Variants in GALM observed in about 807,000 individuals in gnomAD.
The protein encoded by GALM is galactose mutarotase, also known as aldose 1-epimerase.
GALM carries 43 observed loss-of-function variants against 37.4 expected under a neutral mutation model. The observed-to-expected ratio is 1.15, with a 90% confidence interval of 0.90 to 1.48. The LOEUF is 1.48. Ranked by LOEUF, GALM falls within the 40% of genes most tolerant of loss-of-function variation. The pLI is 0.00. For missense variants in GALM, 456 were observed against 419.1 expected (o/e 1.09, Z -0.77); for synonymous variants, 199 against 170.6 (o/e 1.17, Z -1.30).
chr2:38,727,211 G>T (rs1440824793), intron 4 of GALM, among the ~76,000 whole-genome samples: 1 of 136,544 alleles, frequency 7.3e-6, no homozygotes, highest in African/African-American at 2.9e-5. Context: ...GTGAGACTCC[G>T]TCTCAAGAAA....
At chr2:38,684,926 C>T (rs922566832) in intron 3 of GALM, among the ~76,000 whole-genome samples, 5 of 152,180 alleles carry the variant, frequency 3.3e-5, no homozygotes, top group African/African-American at 9.6e-5. Context: ...GACAGGTAGA[C>T]ATGTCATTAA....
At chr2:38,711,418 C>G (rs1666155016) in intron 4 of GALM, among the ~76,000 whole-genome samples, 1 of 152,120 alleles carries the variant, frequency 6.6e-6, no homozygotes, top group Non-Finnish European at 1.5e-5. Context: ...ACCTCGGCTT[C>G]CCAAATTGCC....
intron 4 of GALM, among the ~76,000 whole-genome samples, chr2:38,694,128 G>C (rs1455893080): frequency 6.6e-6 from 1 of 152,146 alleles, no homozygotes; most frequent in Non-Finnish European, 1.5e-5. Flanking sequence ...GCTGCAGTGA[G>C]CTGTGATTGT....
At chr2:38,678,413 G>A (rs1490921609) in intron 2 of GALM, among the ~76,000 whole-genome samples, 2 of 152,014 alleles carry the variant, frequency 1.3e-5, no homozygotes, top group Admixed American at 6.6e-5. Context: ...ACAGGCTCAG[G>A]GAAATCCTTC....
intron 4 of GALM, among the ~76,000 whole-genome samples, chr2:38,695,967 G>T (rs952803520): frequency 5.9e-5 from 9 of 152,172 alleles, no homozygotes; most frequent in South Asian, 2.1e-4. Context: ...CCGAAGTGCT[G>T]GGATTACAGG....
At chr2:38,729,429 G>C in intron 4 of GALM, 127 bp from the exon 5 acceptor site, 4 of 582,810 alleles carry the variant, frequency 6.9e-6, no homozygotes, top group Non-Finnish European at 1.1e-5. Context: ...CCAGGATCTG[G>C]GCTCCCATCT....
At chr2:38,715,156 G>A (rs1166709811) in intron 4 of GALM, among the ~76,000 whole-genome samples, 2 of 152,130 alleles carry the variant, frequency 1.3e-5, no homozygotes, top group African/African-American at 4.8e-5. Flanking sequence ...TAAAGTCTAT[G>A]CTGTGTGATG....
Position 38,724,795 on chromosome 2 carries a change from G to C in GALM, c.635-4761G>C, listed in dbSNP as rs115014586. 8.3e-3 allele frequency among the ~76,000 whole-genome samples: 1,261 copies of C among 152,276 alleles called. 12 individuals carry two copies. Among genetic ancestry groups the C allele is most frequent in the African/African-American group, 0.028 (1,167 of 41,532 alleles). ...CTGTTATATATATTTATTTATGCCAGACTCCTGAAGGTGTTCAAGCATACC... is the reference window on the plus strand; with the variant it reads ...CTGTTATATATATTTATTTATGCCACACTCCTGAAGGTGTTCAAGCATACC... On this transcript the variant is annotated intron_variant, in intron 4 of 6. Transcript: ENST00000272252.
chr2:38,688,964 G>A (rs1239072544), intron 3 of GALM, among the ~76,000 whole-genome samples: 13 of 152,180 alleles, frequency 8.5e-5, no homozygotes, highest in Non-Finnish European at 1.5e-5. Flanking sequence ...GAGATTACAG[G>A]CATGTGCCAC....
chr2:38,694,068 G>C (rs79572412), intron 4 of GALM, among the ~76,000 whole-genome samples: 1,584 of 152,156 alleles, frequency 0.01, 12 homozygotes, highest in Middle Eastern at 0.024. Context: ...TGTGGTCCCA[G>C]CTATTTGGGA....
chr2:38,707,078 T>C (rs931037458), intron 4 of GALM, among the ~76,000 whole-genome samples: 3 of 137,980 alleles, frequency 2.2e-5, no homozygotes, highest in African/African-American at 8.1e-5. Context: ...ATGGGGATGT[T>C]CAGTGAGTTG....
intron 1 of GALM, chr2:38,668,405 T>C (rs1002059572): frequency 6.6e-6 from 1 of 152,208 alleles, no homozygotes; most frequent in Non-Finnish European, 1.5e-5. Flanking sequence ...GGGCTGTGAC[T>C]CTTACAGGGG....
chr2:38,689,702 G>C (rs1665626014), intron 3 of GALM, 111 bp from the exon 4 acceptor site: 1 of 664,046 alleles, frequency 1.5e-6, no homozygotes, highest in Non-Finnish European at 2.7e-6. Flanking sequence ...AGCCAAACAA[G>C]ATTTTAAAAG....
intron 2 of GALM, among the ~76,000 whole-genome samples, chr2:38,677,030 C>T (rs1665275684): frequency 1.3e-5 from 2 of 152,238 alleles, no homozygotes; most frequent in Non-Finnish European, 2.9e-5. Context: ...CTCCTCTCCA[C>T]ATGAAAACGA....
chr2:38,674,221 C>T (rs1408483530), intron 1 of GALM, among the ~76,000 whole-genome samples: 7 of 146,420 alleles, frequency 4.8e-5, no homozygotes, highest in African/African-American at 5.1e-5. Flanking sequence ...GAGACAGTCT[C>T]GCTCTGTCGC....
chr2:38,704,655 C>T (rs912981016), intron 4 of GALM, among the ~76,000 whole-genome samples: 25 of 149,292 alleles, frequency 1.7e-4, no homozygotes, highest in African/African-American at 4.5e-4. Flanking sequence ...TTTGGTGACA[C>T]GGCAAGACTC....
intron 4 of GALM, among the ~76,000 whole-genome samples, chr2:38,703,274 A>C (rs1209776913): frequency 6.7e-6 from 1 of 149,014 alleles, no homozygotes; most frequent in East Asian, 2.0e-4. Context: ...TGCCTGGCTA[A>C]TTTTGTATTT....
intron 4 of GALM, among the ~76,000 whole-genome samples, chr2:38,709,333 C>T (rs1666105109): frequency 6.6e-6 from 1 of 152,062 alleles, no homozygotes; most frequent in Non-Finnish European, 1.5e-5. Flanking sequence ...TACTAGACAG[C>T]AAATCCCTGG....
chr2:38,681,527 G>A (rs765949656), intron 3 of GALM, 41 bp downstream of exon 3: 3 of 1,503,054 alleles, frequency 2.0e-6, no homozygotes, highest in Non-Finnish European at 1.9e-6. Context: ...CGTGCTTTGT[G>A]GAATGTCCTG....
Sources: allele counts gnomAD v4.1 joint callset (sites outside exome capture counted in the v4.1 genomes callset), GRCh38; gene constraint gnomAD v4.1.1; transcripts MANE v1.5; gene names NCBI Gene and HGNC (gene_info 2026-07-23, HGNC 2026-07-21).